The following PRKN variants were observed in gnomAD, a reference collection of about 807,000 sequenced individuals.
The protein encoded by PRKN is E3 ubiquitin-protein ligase parkin.
Under a neutral mutation model 59.5 loss-of-function variants are expected in PRKN, and 56 were observed. The ratio of observed to expected loss-of-function variants is 0.94; its 90% CI spans 0.76 to 1.18. The LOEUF is 1.18. Ranked by LOEUF, PRKN falls within the 50% of genes most tolerant of loss-of-function variation. PRKN has a pLI of 0.00. For missense variants in PRKN, 657 were observed against 596.4 expected, an observed-to-expected ratio of 1.10 and a Z score of -1.06; for synonymous variants, 250 against 222.1, an observed-to-expected ratio of 1.13 and a Z score of -1.12.
chr6:162,314,982 C>T (rs896469385), intron 2 of PRKN, among the ~76,000 whole-genome samples: 1 of 152,068 alleles, frequency 6.6e-6, no homozygotes, highest in Non-Finnish European at 1.5e-5. Context: ...CAGTAGATCA[C>T]CAGGGTTTCA....
intron 2 of PRKN, among the ~76,000 whole-genome samples, chr6:162,344,104 G>A (rs1025788509): frequency 1.3e-5 from 2 of 152,138 alleles, no homozygotes; most frequent in Non-Finnish European, 2.9e-5. Context: ...TTGTTTTGAG[G>A]TGCCATTCCC....
intron 2 of PRKN, among the ~76,000 whole-genome samples, chr6:162,332,739 A>T (rs893509897): frequency 6.6e-6 from 1 of 152,080 alleles, no homozygotes; most frequent in South Asian, 2.1e-4. Flanking sequence ...CACATGAGAC[A>T]CTGGCAGGCA....
intron 7 of PRKN, among the ~76,000 whole-genome samples, chr6:161,639,335 C>T (rs532046921): frequency 1.9e-4 from 29 of 152,284 alleles, no homozygotes; most frequent in Non-Finnish European, 3.5e-4. Context: ...CATACAGGAT[C>T]GAGTACGTTC....
At chr6:161,652,652 ATAACT>A (rs2128162236) in intron 7 of PRKN, among the ~76,000 whole-genome samples, 2 of 152,342 alleles carry the variant, frequency 1.3e-5, no homozygotes, top group South Asian at 4.1e-4. Context: ...AAATTAAGAA[ATAACT>A]TATGTATGTA....
chr6:161,975,612 G>A (rs922579964), intron 5 of PRKN, among the ~76,000 whole-genome samples: 6 of 152,076 alleles, frequency 3.9e-5, no homozygotes, highest in African/African-American at 4.8e-5. Context: ...AGAATCACTC[G>A]GGTGGGAGGG....
chr6:161,716,742 C>T (rs529111233), intron 7 of PRKN, among the ~76,000 whole-genome samples: 12 of 152,126 alleles, frequency 7.9e-5, no homozygotes, highest in Admixed American at 2.0e-4. Flanking sequence ...GCCAAGTGGA[C>T]GCTGGAAGGC....
intron 6 of PRKN, among the ~76,000 whole-genome samples, chr6:161,848,198 G>A (rs947460204): frequency 1.3e-5 from 2 of 151,996 alleles, no homozygotes; most frequent in African/African-American, 2.4e-5. Flanking sequence ...TCTTTATGTT[G>A]TATTTTTCTT....
intron 1 of PRKN, among the ~76,000 whole-genome samples, chr6:162,591,467 A>G (rs1233536526): frequency 6.6e-6 from 1 of 152,166 alleles, no homozygotes; most frequent in East Asian, 1.9e-4. Flanking sequence ...CAGGGTATTT[A>G]GGACATCTAT....
At chr6:162,137,992 G>C (rs1261586000) in intron 4 of PRKN, among the ~76,000 whole-genome samples, 1 of 151,926 alleles carries the variant, frequency 6.6e-6, no homozygotes, top group Non-Finnish European at 1.5e-5. Flanking sequence ...GGCCTTGTTA[G>C]CTATAGCAGA....
Position 161,483,541 on chromosome 6 carries a change from C to T in PRKN, c.1083+65313G>A, listed in dbSNP as rs1270530060. 1.3e-5 allele frequency among the ~76,000 whole-genome samples: 2 copies of T among 152,144 alleles called. No individual in the cohort carries two copies. The highest frequency in any genetic ancestry group is 2.1e-4 in the South Asian group (1 of 4,828). ...TTCCCAGCGTATAAACTCATGGATCCTCCACAGAATTCACTAAACTTCAAT... is the reference window on the plus strand; with the variant it reads ...TTCCCAGCGTATAAACTCATGGATCTTCCACAGAATTCACTAAACTTCAAT... On this transcript the variant is annotated intron_variant, in intron 9 of 11. Coordinates refer to ENST00000366898, the MANE Select transcript of PRKN (RefSeq NM_004562.3). The surrounding 1 kb of genome is among the most constrained non-coding windows in gnomAD (Gnocchi z 5.0).
intron 7 of PRKN, among the ~76,000 whole-genome samples, chr6:161,651,724 C>A (rs1016961703): frequency 6.6e-6 from 1 of 152,092 alleles, no homozygotes; most frequent in Non-Finnish European, 1.5e-5. Context: ...GCTGATATAC[C>A]TTTTAAAGTT....
At position 161,439,263 on chromosome 6, in the gene PRKN, T is replaced by C. The variant is rs149302821; in HGVS notation, c.1084-52386A>G. ...ACGGCAGATGCGGTCTCCCAACAAC[T>C]GGCCTCCCTCCAAAAACATGGAGGA... On this transcript the variant is annotated intron_variant, in intron 9 of 11. Coordinates refer to ENST00000366898, the MANE Select transcript of PRKN (RefSeq NM_004562.3). Among the ~76,000 whole-genome samples, 3 of 152,200 alleles carry C rather than the reference T, an allele frequency of 2.0e-5. No individual in the cohort carries two copies. The East Asian group carries it at 5.8e-4, about 29-fold the overall frequency.
At chr6:162,587,917 G>C (rs1300386277) in intron 1 of PRKN, among the ~76,000 whole-genome samples, 1 of 151,832 alleles carries the variant, frequency 6.6e-6, no homozygotes, top group East Asian at 1.9e-4. Context: ...TCATAACTTG[G>C]CTCTCAATAA....
At chr6:162,239,219 C>G (rs759594875) in intron 3 of PRKN, among the ~76,000 whole-genome samples, 9 of 152,116 alleles carry the variant, frequency 5.9e-5, no homozygotes, top group African/African-American at 1.7e-4. Context: ...CATTTGTCCA[C>G]AAGCCTTTCT....
chr6:162,364,250 C>T (rs1031599423), intron 2 of PRKN, among the ~76,000 whole-genome samples: 4 of 152,164 alleles, frequency 2.6e-5, no homozygotes, highest in African/African-American at 9.7e-5. Context: ...AATATTTCAC[C>T]AATGCATTGC....
Position 161,391,172 on chromosome 6 carries a change from A to G in PRKN, c.1084-4295T>C, listed in dbSNP as rs1020166160. Among the ~76,000 whole-genome samples the G allele has an allele frequency of 2.6e-4, 39 of 152,106 alleles. No homozygotes were observed. The highest frequency in any genetic ancestry group is 9.2e-4 in the African/African-American group (38 of 41,374). ...TCCATTCTGCTGAGCTGCATGTCTC[A>G]TATCTGGGGCGCCTGGATCCTTCTT... On this transcript the variant is annotated intron_variant, in intron 9 of 11. Coordinates refer to ENST00000366898, the MANE Select transcript of PRKN (RefSeq NM_004562.3). This position sits in a 1 kb window ranked among gnomAD's most constrained non-coding sequence, Gnocchi z 4.9.
At chr6:162,625,551 C>T (rs2128221641) in intron 1 of PRKN, among the ~76,000 whole-genome samples, 1 of 152,194 alleles carries the variant, frequency 6.6e-6, no homozygotes, top group South Asian at 2.1e-4. Context: ...AAGACTTAAC[C>T]ATCCATTTCA....
intron 5 of PRKN, among the ~76,000 whole-genome samples, chr6:162,021,119 C>CATATAT (rs869269519): frequency 1.9e-3 from 89 of 46,444 alleles, no homozygotes; most frequent in Non-Finnish European, 3.1e-3. Flanking sequence ...AAAACAAAAA[C>CATATAT]ATATATATAT....
chr6:162,701,808 AAC>A (rs909019695), intron 1 of PRKN, among the ~76,000 whole-genome samples: 3 of 146,988 alleles, frequency 2.0e-5, no homozygotes, highest in African/African-American at 2.5e-5. Context: ...TTCCAATAGG[AAC>A]ACACACACAC....
Sources: allele counts gnomAD v4.1 joint callset (sites outside exome capture counted in the v4.1 genomes callset), GRCh38; gene constraint gnomAD v4.1.1; non-coding constraint Gnocchi (gnomAD v3.1); transcripts MANE v1.5; gene names NCBI Gene and HGNC (gene_info 2026-07-23, HGNC 2026-07-21).